OTUD6B: variants seen among roughly 807,000 people sequenced by gnomAD.
The protein encoded by OTUD6B is deubiquitinase OTUD6B.
OTUD6B carries 41 observed loss-of-function variants against 36.9 expected under a neutral mutation model. The observed-to-expected ratio is 1.11, with a 90% CI of 0.87 to 1.44. OTUD6B has a LOEUF of 1.44. Among genes scored for constraint, OTUD6B ranks in the 40% most tolerant of loss-of-function variants. The pLI is 0.00. For synonymous variants in OTUD6B, 114 were observed against 114.2 expected (o/e 1.00, Z 0.01); for missense variants, 356 against 344.8 (o/e 1.03, Z -0.26).
At chr8:91,071,539 AG>A (rs995661087) in intron 2 of OTUD6B, among the ~76,000 whole-genome samples, 5 of 152,118 alleles carry the variant, frequency 3.3e-5, no homozygotes, top group Non-Finnish European at 7.4e-5. Flanking sequence ...TAGTAGAGAC[AG>A]GGTTTCACCA....
intron 3 of OTUD6B, chr8:91,076,337 C>A: frequency 2.7e-6 from 1 of 367,246 alleles, no homozygotes; most frequent in Non-Finnish European, 3.8e-6. Context: ...AACCAAAGTG[C>A]CTAGTGCTCT....
rs377632239 is a variant in OTUD6B, at chr8:91,073,909, C to T, written c.313C>T (p.Arg105Trp). 5.1e-5 allele frequency: 80 copies of T among 1,583,782 alleles called. No homozygotes were observed. The highest frequency in any genetic ancestry group is 1.1e-4 in the Admixed American group (6 of 56,392). The change falls in exon 3 of 7, where the codon CGG becomes TGG. Residue 105 changes from arginine (R) to tryptophan (W), a missense_variant and splice_region_variant. Physicochemically the swap from Arg to Trp is moderately radical, Grantham distance 101. Coordinates refer to ENST00000404789, the MANE Select transcript of OTUD6B (RefSeq NM_016023.5). ...TCGGATATCAAAAGCACAAAAGAGA[C>T]GGGTATGAAAGTCATGTCACCAAGT... ...PPRISKAQKR[R>W]EKKAALEKER...
rs370719791 is a variant in OTUD6B, at chr8:91,078,412, T to C, written c.372T>C (p.Ile124=). ...AAGAACGGATAGCTGAAGCTGAAAT[T>C]GAAAACTTAACAGGAGCCAGACATA... ...EREERIAEAE[I]ENLTGARHME... Residue 124 remains isoleucine, a synonymous_variant, in exon 4 of 7, where the codon ATT becomes ATC. Transcript: ENST00000404789. 1.0e-5 allele frequency: 16 copies of C among 1,596,670 alleles called. No homozygotes were observed. Among genetic ancestry groups the C allele is most frequent in the Non-Finnish European group, 1.4e-5 (16 of 1,170,750 alleles).
In OTUD6B at chr8:91,073,860, C is replaced by T. The variant is rs775639438; in HGVS notation, c.264C>T (p.Asn88=). ...ATTCTGTTGCTGTTAACATTTCAAA[C>T]TTGGTGCTTGAGAATCAGCCACCTC... ...KIDSVAVNIS[N]LVLENQPPRI... Residue 88 remains asparagine, a synonymous_variant, in exon 3 of 7, where the codon AAC becomes AAT. Transcript: ENST00000404789. 1 of 1,592,618 alleles carries T rather than the reference C, an allele frequency of 6.3e-7. No homozygotes were observed.
In OTUD6B at chr8:91,085,112, C is replaced by A; in HGVS notation, c.*244C>A. 1 of 235,804 alleles carries A rather than the reference C, an allele frequency of 4.2e-6. No individual in the cohort carries two copies. The highest frequency in any genetic ancestry group is 8.1e-6 in the Non-Finnish European group (1 of 122,818). 14.6% of individuals were successfully genotyped at this position (235,804 alleles called of 1,614,324 possible). A position where few individuals can be genotyped will look rare whatever the true frequency, so the allele number is the denominator to read the frequency against. On this transcript the variant is annotated 3_prime_UTR_variant, in exon 7 of 7. Transcript: ENST00000404789. Reference sequence around the variant, plus strand: ...AACACCATTCATAGACCAAGATGGTCCCCTATTAGCTGATATTTTCATTTA... The same window carrying A: ...AACACCATTCATAGACCAAGATGGTACCCTATTAGCTGATATTTTCATTTA...
chr8:91,085,003 G>T lies in OTUD6B; in HGVS notation c.*135G>T. On this transcript the variant is annotated 3_prime_UTR_variant, in exon 7 of 7. Coordinates refer to ENST00000404789, the MANE Select transcript of OTUD6B (RefSeq NM_016023.5). ...AGTTTTATGGCAAAGCTACTAACAG[G>T]TGTTTTTAGAAATATGTCAGAGATA... is the stretch of plus-strand genomic sequence containing the variant. The T allele has an allele frequency of 2.4e-6, 1 of 411,086 alleles. No individual in the cohort carries two copies. The highest frequency in any genetic ancestry group is 6.5e-5 in the South Asian group (1 of 15,466). The allele number at this position is 411,086 out of a possible 1,614,324, so 25.5% of individuals were successfully genotyped here. A position where few individuals can be genotyped will look rare whatever the true frequency, so the allele number is the denominator to read the frequency against.
In OTUD6B at chr8:91,085,919, C is replaced by T. The variant is rs1437132492; in HGVS notation, c.*1051C>T. On this transcript the variant is annotated 3_prime_UTR_variant, in exon 7 of 7. Transcript: ENST00000404789. ...TATTTTATTAGCCTTATTAATGTCA[C>T]CTTTCCTTCAACTCAAATATTTGAG... The T allele has an allele frequency of 1.3e-5, 2 of 152,028 alleles. No individual in the cohort carries two copies. Among genetic ancestry groups the T allele is most frequent in the African/African-American group, 4.8e-5 (2 of 41,412 alleles). 9.4% of individuals were successfully genotyped at this position (152,028 alleles called of 1,614,324 possible).
intron 3 of OTUD6B, among the ~76,000 whole-genome samples, chr8:91,076,048 A>G (rs969704710): frequency 6.6e-6 from 1 of 152,022 alleles, no homozygotes; most frequent in East Asian, 1.9e-4. Context: ...AAAAATATGG[A>G]ATTTGAGGGC....
At position 91,085,015 on chromosome 8, in the gene OTUD6B, A is replaced by G; in HGVS notation, c.*147A>G. 2 of 404,562 alleles carry G rather than the reference A, an allele frequency of 4.9e-6. No homozygotes were observed. The highest frequency in any genetic ancestry group is 9.1e-6 in the Non-Finnish European group (2 of 220,330). The allele number at this position is 404,562 out of a possible 1,614,324, so 25.1% of individuals were successfully genotyped here. On this transcript the variant is annotated 3_prime_UTR_variant, in exon 7 of 7. Transcript: ENST00000404789. Reference sequence around the variant, plus strand: ...AAGCTACTAACAGGTGTTTTTAGAAATATGTCAGAGATAAACTTTAACCAG... The same window carrying G: ...AAGCTACTAACAGGTGTTTTTAGAAGTATGTCAGAGATAAACTTTAACCAG...
chr8:91,071,422 C>G, intron 2 of OTUD6B, 133 bp downstream of exon 2: 1 of 705,432 alleles, frequency 1.4e-6, no homozygotes, highest in Non-Finnish European at 2.2e-6. Flanking sequence ...AATCTTGGCT[C>G]ACTGCAAGCT....
chr8:91,070,378 G>A lies in OTUD6B; in HGVS notation c.-7G>A. The A allele has an allele frequency of 1.2e-6, 2 of 1,610,980 alleles. No individual in the cohort carries two copies. Among genetic ancestry groups the A allele is most frequent in the Non-Finnish European group, 1.7e-6 (2 of 1,178,588 alleles). Reference sequence around the variant, plus strand: ...TTCTAGCGCGTGTGCTGGGGTACCTGGTCGTCATGGAGGCGGTATTGACCG... The same window carrying A: ...TTCTAGCGCGTGTGCTGGGGTACCTAGTCGTCATGGAGGCGGTATTGACCG... On this transcript the variant is annotated 5_prime_UTR_variant, in exon 1 of 7. Transcript: ENST00000404789.
Position 91,086,916 on chromosome 8 carries a change from G to GA in OTUD6B, c.*2052dup, listed in dbSNP as rs1352639564. ...ATATGCTTTCTTTTGTCCTAACTCTGAAAAGTATATGTCAGAGTTCTGGAA... is the reference window on the plus strand; with the variant it reads ...ATATGCTTTCTTTTGTCCTAACTCTGAAAAAGTATATGTCAGAGTTCTGGAA... On this transcript the variant is annotated 3_prime_UTR_variant, in exon 7 of 7. Coordinates refer to ENST00000404789, the MANE Select transcript of OTUD6B (RefSeq NM_016023.5). The GA allele has an allele frequency of 6.6e-6, 1 of 152,004 alleles. No homozygotes were observed. Among genetic ancestry groups the GA allele is most frequent in the Non-Finnish European group, 1.5e-5 (1 of 67,938 alleles). The allele number at this position is 152,004 out of a possible 1,614,324, so 9.4% of individuals were successfully genotyped here.
chr8:91,077,296 G>GAA, intron 3 of OTUD6B, among the ~76,000 whole-genome samples: 1 of 151,802 alleles, frequency 6.6e-6, no homozygotes, highest in East Asian at 1.9e-4. Flanking sequence ...CCGTCATCCA[G>GAA]AAAAAAGCAC....
rs776525333 is a variant in OTUD6B, at chr8:91,077,841, T to C, written c.316-515T>C. Among the ~76,000 whole-genome samples, 126 of 144,028 alleles carry C rather than the reference T, an allele frequency of 8.7e-4. 1 individual carries two copies. The highest frequency in any genetic ancestry group is 1.5e-3 in the Non-Finnish European group (103 of 67,330). 94.5% of individuals were successfully genotyped at this position (144,028 alleles called of 152,430 possible). On this transcript the variant is annotated intron_variant, in intron 3 of 6. Coordinates refer to ENST00000404789, the MANE Select transcript of OTUD6B (RefSeq NM_016023.5). The stretch of plus-strand genomic sequence containing the variant: ...CTTGAGTCTCTCTCTTATATTTTAA[T>C]TTTTTTTTTACAAAATATTTGTTAA...
chr8:91,078,181 G>C (rs183514197), intron 3 of OTUD6B, 175 bp from the exon 4 acceptor site: 1 of 840,170 alleles, frequency 1.2e-6, no homozygotes, highest in South Asian at 5.5e-5. Flanking sequence ...ATGAGTAAGA[G>C]AGTAAGGAGC....
intron 5 of OTUD6B, among the ~76,000 whole-genome samples, chr8:91,082,511 C>T (rs1305964568): frequency 6.6e-6 from 1 of 151,914 alleles, no homozygotes; most frequent in Non-Finnish European, 1.5e-5. Context: ...GTAGCTGCAC[C>T]ACCATGCCTG....
chr8:91,079,328 T>C (rs1034198671), intron 4 of OTUD6B: 2 of 152,068 alleles, frequency 1.3e-5, no homozygotes, highest in Non-Finnish European at 2.9e-5. Flanking sequence ...GTATCCATTG[T>C]TCCCACAAGT....
chr8:91,071,837 C>T (rs773544387), intron 2 of OTUD6B, among the ~76,000 whole-genome samples: 1 of 152,178 alleles, frequency 6.6e-6, no homozygotes, highest in Non-Finnish European at 1.5e-5. Flanking sequence ...GATGAAGCTT[C>T]ACCAAATCAA....
intron 5 of OTUD6B, 48 bp downstream of exon 5, chr8:91,080,778 T>A: frequency 7.3e-7 from 1 of 1,367,396 alleles, no homozygotes; most frequent in Non-Finnish European, 1.0e-6. Context: ...AAATTATTTC[T>A]AAATCCCTTC....
Sources: allele counts gnomAD v4.1 joint callset (sites outside exome capture counted in the v4.1 genomes callset), GRCh38; gene constraint gnomAD v4.1.1; transcripts MANE v1.5; gene names NCBI Gene and HGNC (gene_info 2026-07-23, HGNC 2026-07-21).